LRBA: variants seen among roughly 807,000 people sequenced by gnomAD.
LRBA encodes lipopolysaccharide-responsive and beige-like anchor protein.
A neutral mutation model predicts 330.0 loss-of-function variants in LRBA; 176 were observed. The observed-to-expected ratio is 0.53, with a 90% CI of 0.47 to 0.60. LRBA has a LOEUF of 0.60. LRBA is among the 20% of genes least tolerant of loss of function. LRBA has a pLI of 0.00. For missense variants in LRBA, 3,259 were observed against 3,444.8 expected (o/e 0.95, Z 1.35); for synonymous variants, 1,230 against 1,193.0 (o/e 1.03, Z -0.64).
At chr4:150,599,214 G>C in intron 37 of LRBA, 83 bp from the exon 38 acceptor site, 1 of 1,468,708 alleles carries the variant, frequency 6.8e-7, no homozygotes, top group Non-Finnish European at 9.3e-7. Flanking sequence ...AGCTCTCCTT[G>C]TTTGCTCTGC....
chr4:150,866,745 ATACAT>A (rs1406647401), intron 22 of LRBA, among the ~76,000 whole-genome samples: 1 of 152,220 alleles, frequency 6.6e-6, no homozygotes, highest in African/African-American at 2.4e-5. Context: ...ATGTCATGCA[ATACAT>A]TACAATTGAG....
chr4:150,393,393 T>TC (rs573233334), intron 47 of LRBA, among the ~76,000 whole-genome samples: 68 of 151,608 alleles, frequency 4.5e-4, no homozygotes, highest in Non-Finnish European at 8.7e-4. Flanking sequence ...AAACTCTTTC[T>TC]CCCCCCCACC....
At position 150,810,596 on chromosome 4, in the gene LRBA, A is replaced by G. The variant is rs943740820; in HGVS notation, c.5306-2198T>C. ...AAGCACACACTTCATCATGCTGACA[A>G]TTATTTTTTATTTTTCTTTTTTTGA... On this transcript the variant is annotated intron_variant, in intron 31 of 56. Coordinates refer to ENST00000651943, the MANE Select transcript of LRBA (RefSeq NM_001364905.1). Among the ~76,000 whole-genome samples the G allele has an allele frequency of 6.6e-5, 10 of 152,088 alleles. No homozygotes were observed. In the East Asian group the frequency reaches 1.9e-3, roughly 29 times the overall value.
At chr4:150,549,379 T>A (rs1179836140) in intron 40 of LRBA, among the ~76,000 whole-genome samples, 1 of 152,108 alleles carries the variant, frequency 6.6e-6, no homozygotes, top group African/African-American at 2.4e-5. Context: ...TTGCCTATGC[T>A]GCAGTGCAGT....
chr4:150,549,771 TC>T lies in LRBA; in HGVS notation c.6330+38276del, dbSNP rs148837114. Among the ~76,000 whole-genome samples the T allele has an allele frequency of 7.5e-3, 1,150 of 152,342 alleles. 9 individuals carry two copies. The highest frequency in any genetic ancestry group is 0.011 in the Non-Finnish European group (747 of 68,032). On this transcript the variant is annotated intron_variant, in intron 40 of 56. Transcript: ENST00000651943. ...CTTGGAGGGAACCTCCATTTGTCTG[TC>T]CCAAATCACTACAGTTGAAGCTGAA...
intron 52 of LRBA, among the ~76,000 whole-genome samples, chr4:150,306,010 CAAGCACTAGA>C (rs55726606): frequency 0.17 from 26,400 of 152,048 alleles, 2,735 homozygotes; most frequent in East Asian, 0.26. Flanking sequence ...AATATTACCA[CAAGCACTAGA>C]ATATCCCTTT....
chr4:150,868,066 A>C (rs1167913377), intron 21 of LRBA, 116 bp downstream of exon 21: 3 of 1,120,146 alleles, frequency 2.7e-6, no homozygotes, highest in Non-Finnish European at 3.8e-6. Flanking sequence ...TACTCTTAAT[A>C]AAAAAAATAG....
At chr4:150,419,137 T>C (rs574602144) in intron 46 of LRBA, among the ~76,000 whole-genome samples, 2 of 152,236 alleles carry the variant, frequency 1.3e-5, no homozygotes, top group African/African-American at 2.4e-5. Flanking sequence ...GTTTGGTAAA[T>C]GGAGTAAGTA....
In LRBA at chr4:150,962,590, C is replaced by G. The variant is rs890197213; in HGVS notation, c.217-33525G>C. 1.0e-4 allele frequency among the ~76,000 whole-genome samples: 15 copies of G among 148,976 alleles called. 1 individual carries two copies. Among genetic ancestry groups the G allele is most frequent in the African/African-American group, 3.9e-4 (15 of 38,494 alleles). On this transcript the variant is annotated intron_variant, in intron 2 of 56. Transcript: ENST00000651943. Reference sequence around the variant, plus strand: ...TTAAGGAAGTTCTGAGTAAGAAAAGCCTTTCTATGTATGATTCAAAACCCA... The same window carrying G: ...TTAAGGAAGTTCTGAGTAAGAAAAGGCTTTCTATGTATGATTCAAAACCCA...
chr4:150,828,847 G>C (rs956640517), intron 29 of LRBA, among the ~76,000 whole-genome samples: 10 of 151,836 alleles, frequency 6.6e-5, no homozygotes, highest in Non-Finnish European at 1.3e-4. Flanking sequence ...TTGCAAAAAT[G>C]ATCTAAAGTA....
chr4:150,803,079 T>TAC (rs1203657007), intron 33 of LRBA, among the ~76,000 whole-genome samples: 1 of 108,220 alleles, frequency 9.2e-6, no homozygotes, highest in African/African-American at 4.0e-5. Context: ...AAAAAAAATA[T>TAC]ATATACACAC....
chr4:150,810,774 AT>A (rs913825879), intron 31 of LRBA, among the ~76,000 whole-genome samples: 42 of 151,346 alleles, frequency 2.8e-4, no homozygotes, highest in East Asian at 2.7e-3. Context: ...GCTATTTTCT[AT>A]TTTTTTTGTA....
chr4:150,408,427 T>C (rs574651883), intron 47 of LRBA, among the ~76,000 whole-genome samples: 8 of 152,264 alleles, frequency 5.3e-5, no homozygotes, highest in Non-Finnish European at 8.8e-5. Context: ...AGGCCATGCC[T>C]AAATAGCGTC....
chr4:150,420,512 A>G (rs191758860), intron 46 of LRBA, among the ~76,000 whole-genome samples: 1,900 of 40,728 alleles, frequency 0.047, 525 homozygotes, highest in Middle Eastern at 0.1. Context: ...ACACATTATA[A>G]TATATATAAA....
At chr4:150,644,400 T>G (rs1363961858) in intron 37 of LRBA, among the ~76,000 whole-genome samples, 1 of 151,078 alleles carries the variant, frequency 6.6e-6, no homozygotes, top group East Asian at 1.9e-4. Context: ...AGTGATTCTT[T>G]TGTTAGTCAA....
chr4:150,914,116 A>T, intron 9 of LRBA, 79 bp downstream of exon 9: 1 of 1,166,292 alleles, frequency 8.6e-7, no homozygotes, highest in Admixed American at 2.6e-5. Context: ...GTATCCATTA[A>T]CCAAACTCTC....
chr4:150,467,652 A>C, intron 44 of LRBA, 21 bp downstream of exon 44: 1 of 1,315,466 alleles, frequency 7.6e-7, no homozygotes, highest in Non-Finnish European at 1.1e-6. Context: ...ATTATATTTC[A>C]CATCATTACT....
At chr4:150,482,009 T>C (rs1344392280) in intron 42 of LRBA, among the ~76,000 whole-genome samples, 2 of 152,142 alleles carry the variant, frequency 1.3e-5, no homozygotes, top group Non-Finnish European at 2.9e-5. Flanking sequence ...CTTTACACAT[T>C]CTTTGTTGTT....
chr4:150,770,696 TACA>T (rs1736444835), intron 34 of LRBA, among the ~76,000 whole-genome samples: 1 of 152,108 alleles, frequency 6.6e-6, no homozygotes, highest in Non-Finnish European at 1.5e-5. Context: ...AGTTGGTATC[TACA>T]ACTACCTTTT....
Sources: gnomAD v4.1 joint callset for allele counts (sites outside exome capture counted in the v4.1 genomes callset) on GRCh38, gnomAD v4.1.1 for gene constraint, MANE v1.5 for transcripts, NCBI Gene and HGNC (gene_info 2026-07-23, HGNC 2026-07-21) for gene names.